CNTD1: variants seen among roughly 807,000 people sequenced by gnomAD.
CNTD1 encodes cyclin N-terminal domain-containing protein 1.
In CNTD1, 17 loss-of-function variants were observed where a neutral mutation model predicts 36.3. The observed-to-expected ratio is 0.47, with a 90% CI of 0.32 to 0.70. The LOEUF is 0.70. Among genes scored for constraint, CNTD1 ranks in the 30% least tolerant of loss-of-function variants. CNTD1 has a pLI of 0.03. For synonymous variants in CNTD1, 128 were observed against 153.3 expected (o/e 0.83, Z 1.22); for missense variants, 338 against 386.1 (o/e 0.88, Z 1.04).
chr17:42,809,328 T>C, intron 6 of CNTD1, 37 bp from the exon 7 acceptor site: 1 of 1,565,854 alleles, frequency 6.4e-7, no homozygotes, highest in South Asian at 1.1e-5. Flanking sequence ...TGTGTTGAGA[T>C]TTTTTAGTAA....
At position 42,805,758 on chromosome 17, in the gene CNTD1, G is replaced by A. The variant is rs376253095; in HGVS notation, c.454G>A (p.Ala152Thr). 6.2e-7 allele frequency: 1 copy of A among 1,613,606 alleles called. No individual in the cohort carries two copies. Among genetic ancestry groups the A allele is most frequent in the Non-Finnish European group, 8.5e-7 (1 of 1,179,800 alleles). ...CATTACAGTCTTGAATTTCCTCCAG[G>A]CTCTAGGCTATCTACACACTAAAGA... ...SNITVLNFLQ[A>T]LGYLHTKEEL... The change falls in exon 4 of 7, where the codon GCT becomes ACT. Residue 152 changes from alanine to threonine, a missense_variant. Physicochemically the swap from Ala to Thr is moderately conservative, Grantham distance 58. Transcript: ENST00000588408.
At chr17:42,804,492 G>T in intron 3 of CNTD1, 96 bp downstream of exon 3, 3 of 1,051,506 alleles carry the variant, frequency 2.9e-6, no homozygotes, top group Non-Finnish European at 1.4e-6. Flanking sequence ...TCAGTGACAA[G>T]AAGAAAATAA....
In CNTD1 at chr17:42,799,834, G is replaced by C. The variant is rs553728526; in HGVS notation, c.169+598G>C. Among the ~76,000 whole-genome samples, 7 of 149,804 alleles carry C rather than the reference G, an allele frequency of 4.7e-5. No individual in the cohort carries two copies. The East Asian group carries it at 1.4e-3, about 29-fold the overall frequency. On this transcript the variant is annotated intron_variant, in intron 1 of 6. Coordinates refer to ENST00000588408, the MANE Select transcript of CNTD1 (RefSeq NM_173478.3). The stretch of plus-strand genomic sequence containing the variant: ...TAATCCCAGCATTTTGGGAGGCTGA[G>C]GCGGGCAGATCACGAGGTCAGGAGA...
chr17:42,806,719 G>A lies in CNTD1; in HGVS notation c.626G>A (p.Cys209Tyr). Reference protein sequence around the residue: ...LVPAMRLHATCLTLLDLVYLL... With the variant: ...LVPAMRLHATYLTLLDLVYLL... Reference sequence around the variant, plus strand: ...CCAGCCATGAGGCTGCATGCAACCTGCCTGACACTGCTCGACCTGGTCTAT... The same window carrying A: ...CCAGCCATGAGGCTGCATGCAACCTACCTGACACTGCTCGACCTGGTCTAT... The change falls in exon 5 of 7, where the codon TGC becomes TAC. Residue 209 changes from cysteine to tyrosine, a missense_variant. Physicochemically the swap from Cys to Tyr is radical, Grantham distance 194. Coordinates refer to ENST00000588408, the MANE Select transcript of CNTD1 (RefSeq NM_173478.3). 1 of 1,614,106 alleles carries A rather than the reference G, an allele frequency of 6.2e-7. No individual in the cohort carries two copies. Among genetic ancestry groups the A allele is most frequent in the South Asian group, 1.1e-5 (1 of 91,072 alleles).
chr17:42,802,874 G>T (rs2054819333), intron 1 of CNTD1, among the ~76,000 whole-genome samples: 1 of 152,168 alleles, frequency 6.6e-6, no homozygotes, highest in Non-Finnish European at 1.5e-5. Context: ...TCTATCTGGA[G>T]CTGTTCTTTC....
At position 42,809,605 on chromosome 17, in the gene CNTD1, A is replaced by C; in HGVS notation, c.*70A>C. The C allele has an allele frequency of 2.2e-6, 3 of 1,385,430 alleles. No homozygotes were observed. Among genetic ancestry groups the C allele is most frequent in the Non-Finnish European group, 3.0e-6 (3 of 998,660 alleles). The allele number at this position is 1,385,430 out of a possible 1,614,324, so 85.8% of individuals were successfully genotyped here. On this transcript the variant is annotated 3_prime_UTR_variant, in exon 7 of 7. Coordinates refer to ENST00000588408, the MANE Select transcript of CNTD1 (RefSeq NM_173478.3). ...CTCATGCCTCCCTCTGTTTACTTTC[A>C]TACTAAGGGTACAAAAATTCCAAGT...
chr17:42,808,365 A>G (rs933132163), intron 6 of CNTD1, among the ~76,000 whole-genome samples: 2 of 151,908 alleles, frequency 1.3e-5, no homozygotes, highest in Non-Finnish European at 2.9e-5. Context: ...CCTGGGCAAC[A>G]TGGAAAAGAC....
intron 1 of CNTD1, among the ~76,000 whole-genome samples, chr17:42,801,860 G>A (rs983423886): frequency 6.6e-6 from 1 of 151,926 alleles, no homozygotes; most frequent in African/African-American, 2.4e-5. Context: ...AAAAGGAGGA[G>A]ATAGGAACAG....
rs748783042 is a variant in CNTD1, at chr17:42,801,495, C to CA, written c.170-2109dup. On this transcript the variant is annotated intron_variant, in intron 1 of 6. Transcript: ENST00000588408. Reference sequence around the variant, plus strand: ...TGGGTAACAGAGTGAGACCTTGTCTCAAAAAAAAAAAAAAAATATATATAT... The same window carrying CA: ...TGGGTAACAGAGTGAGACCTTGTCTCAAAAAAAAAAAAAAAAATATATATAT... Among the ~76,000 whole-genome samples the CA allele has an allele frequency of 4.6e-3, 162 of 35,260 alleles. 4 individuals are homozygous for CA. The highest frequency in any genetic ancestry group is 5.8e-3 in the Non-Finnish European group (132 of 22,952). 23.1% of individuals were successfully genotyped at this position (35,260 alleles called of 152,430 possible).
In CNTD1 at chr17:42,810,692, T is replaced by C. The variant is rs773725697; in HGVS notation, c.*1157T>C. ...CTGTTTAATATTACCCGAATTTAATTTAAAACATGTTTGCAAACAAAACAA... is the reference window on the plus strand; with the variant it reads ...CTGTTTAATATTACCCGAATTTAATCTAAAACATGTTTGCAAACAAAACAA... On this transcript the variant is annotated 3_prime_UTR_variant, in exon 7 of 7. Transcript: ENST00000588408. 1.1e-5 allele frequency: 17 copies of C among 1,480,290 alleles called. No individual in the cohort carries two copies. The highest frequency in any genetic ancestry group is 1.5e-5 in the Non-Finnish European group (16 of 1,099,652). The allele number at this position is 1,480,290 out of a possible 1,614,324, so 91.7% of individuals were successfully genotyped here.
Position 42,810,547 on chromosome 17 carries a change from A to G in CNTD1, c.*1012A>G. On this transcript the variant is annotated 3_prime_UTR_variant, in exon 7 of 7. Coordinates refer to ENST00000588408, the MANE Select transcript of CNTD1 (RefSeq NM_173478.3). ...GGAGTCCATGGGGTTAAGAATCAAA[A>G]CTGACCAGGGCTGGCAACTATAGAT... 2.4e-6 allele frequency: 1 copy of G among 410,606 alleles called. No homozygotes were observed. The highest frequency in any genetic ancestry group is 4.2e-6 in the Non-Finnish European group (1 of 240,092). 25.4% of individuals were successfully genotyped at this position (410,606 alleles called of 1,614,324 possible).
At chr17:42,803,403 C>T (rs2054826241) in intron 1 of CNTD1, among the ~76,000 whole-genome samples, 1 of 152,214 alleles carries the variant, frequency 6.6e-6, no homozygotes, top group Non-Finnish European at 1.5e-5. Context: ...TTGGTAAGCC[C>T]TTGTCTTTGG....
Position 42,811,075 on chromosome 17 carries a change from G to A in CNTD1, c.*1540G>A, listed in dbSNP as rs1469426417. 2.4e-6 allele frequency: 2 copies of A among 834,020 alleles called. No individual in the cohort carries two copies. The highest frequency in any genetic ancestry group is 3.5e-6 in the Non-Finnish European group (2 of 576,422). The allele number at this position is 834,020 out of a possible 1,614,324, so 51.7% of individuals were successfully genotyped here. On this transcript the variant is annotated 3_prime_UTR_variant, in exon 7 of 7. Transcript: ENST00000588408. ...ATGATAGTGTATTTTGGATTTGCTT[G>A]AAAGCCAAAAATCAAGAAGACTGTC...
intron 1 of CNTD1, among the ~76,000 whole-genome samples, chr17:42,802,465 C>T (rs2054811474): frequency 6.6e-6 from 1 of 152,132 alleles, no homozygotes; most frequent in South Asian, 2.1e-4. Context: ...CAACTGCACA[C>T]ATACACAAAG....
chr17:42,802,518 G>GACTA (rs1464060834), intron 1 of CNTD1, among the ~76,000 whole-genome samples: 1 of 152,170 alleles, frequency 6.6e-6, no homozygotes, highest in East Asian at 1.9e-4. Flanking sequence ...CAAATAAAAT[G>GACTA]ACTAATAAGA....
chr17:42,801,554 G>GATATA (rs2054796429), intron 1 of CNTD1, among the ~76,000 whole-genome samples: 1 of 27,872 alleles, frequency 3.6e-5, no homozygotes, highest in Admixed American at 4.8e-4. Flanking sequence ...TATAATATAT[G>GATATA]TGTGTGTGTG....
chr17:42,801,196 A>C (rs1336150831), intron 1 of CNTD1, among the ~76,000 whole-genome samples: 113 of 149,546 alleles, frequency 7.6e-4, no homozygotes, highest in African/African-American at 2.7e-3. Context: ...CAAAAAAAAA[A>C]AAAACAACAA....
At chr17:42,801,426 G>T (rs2054781004) in intron 1 of CNTD1, among the ~76,000 whole-genome samples, 1 of 145,798 alleles carries the variant, frequency 6.9e-6, no homozygotes, top group Non-Finnish European at 1.5e-5. Context: ...AACCCGGGAG[G>T]CAGAGGTTGC....
chr17:42,810,767 T>C lies in CNTD1; in HGVS notation c.*1232T>C, dbSNP rs779856839. 2 of 1,604,214 alleles carry C rather than the reference T, an allele frequency of 1.2e-6. No homozygotes were observed. Among genetic ancestry groups the C allele is most frequent in the Admixed American group, 3.4e-5 (2 of 58,036 alleles). On this transcript the variant is annotated 3_prime_UTR_variant, in exon 7 of 7. Transcript: ENST00000588408. Reference sequence around the variant, plus strand: ...TCCCCCTAAGGAAAAAAGTCATTTGTTATAAAATTGTGAGGACACCCAAGC... The same window carrying C: ...TCCCCCTAAGGAAAAAAGTCATTTGCTATAAAATTGTGAGGACACCCAAGC...
Sources: gnomAD v4.1 joint callset for allele counts (sites outside exome capture counted in the v4.1 genomes callset) on GRCh38, gnomAD v4.1.1 for gene constraint, MANE v1.5 for transcripts, NCBI Gene and HGNC (gene_info 2026-07-23, HGNC 2026-07-21) for gene names.